The following AKAP7 variants were observed in gnomAD, a reference collection of about 807,000 sequenced individuals.
AKAP7 encodes the protein A kinase (PRKA) anchor protein 7.
A neutral mutation model predicts 39.5 loss-of-function variants in AKAP7; 39 were observed. That is an observed-to-expected ratio of 0.99 (90% CI 0.76 to 1.29). AKAP7 has a LOEUF of 1.29. Among genes scored for constraint, AKAP7 ranks in the 50% most tolerant of loss-of-function variants. The pLI is 0.00. For synonymous variants in AKAP7, 140 were observed against 139.1 expected (o/e 1.01, Z -0.05); for missense variants, 414 against 407.7 (o/e 1.02, Z -0.13).
At chr6:131,136,040 T>A (rs1800512999) in intron 1 of AKAP7, among the ~76,000 whole-genome samples, 3 of 152,122 alleles carry the variant, frequency 2.0e-5, no homozygotes. Flanking sequence ...CATCCCCGAG[T>A]TTCACTTTTC....
chr6:131,202,823 TA>T (rs368003787), intron 6 of AKAP7, among the ~76,000 whole-genome samples: 443 of 152,188 alleles, frequency 2.9e-3, no homozygotes, highest in African/African-American at 0.01. Context: ...GTAAGCCAAA[TA>T]AGAATTTTTT....
Position 131,281,741 on chromosome 6 carries a change from C to A in AKAP7, c.*15C>A. 1.3e-6 allele frequency: 2 copies of A among 1,579,388 alleles called. No homozygotes were observed. Among genetic ancestry groups the A allele is most frequent in the East Asian group, 4.5e-5 (2 of 44,218 alleles). On this transcript the variant is annotated 3_prime_UTR_variant, in exon 8 of 8. Coordinates refer to ENST00000431975, the MANE Select transcript of AKAP7 (RefSeq NM_016377.4). The surrounding 1 kb of genome is among the most constrained non-coding windows in gnomAD (Gnocchi z 4.0). Reference sequence around the variant, plus strand: ...ACAGGAAATGAGCCCGGAACGCAGGCCCCCATGTCTCTGTGCAAAGCCTCC... The same window carrying A: ...ACAGGAAATGAGCCCGGAACGCAGGACCCCATGTCTCTGTGCAAAGCCTCC...
intron 6 of AKAP7, among the ~76,000 whole-genome samples, chr6:131,216,399 C>T (rs954262069): frequency 1.6e-4 from 24 of 152,058 alleles, no homozygotes; most frequent in Non-Finnish European, 1.5e-5. Flanking sequence ...AAATAATTTC[C>T]ATTACTTATC....
intron 7 of AKAP7, among the ~76,000 whole-genome samples, chr6:131,230,455 G>A (rs9492869): frequency 0.32 from 48,333 of 151,616 alleles, 8,012 homozygotes; most frequent in Middle Eastern, 0.41. Context: ...TTTCTTTTAC[G>A]TGTTGATTTA....
intron 7 of AKAP7, among the ~76,000 whole-genome samples, chr6:131,264,435 G>A (rs552892776): frequency 2.0e-5 from 3 of 152,278 alleles, no homozygotes; most frequent in Admixed American, 6.5e-5. Flanking sequence ...GCAAAAGAAT[G>A]TAAATGTTAG....
rs1803797128 is a variant in AKAP7 at position 131,169,245 on chromosome 6, T to C, written c.561T>C (p.Asp187=). The C allele has an allele frequency of 4.3e-6, 7 of 1,614,038 alleles. No homozygotes were observed. In the East Asian group the frequency reaches 1.6e-4, roughly 36 times the overall value. Reference sequence around the variant, plus strand: ...GATTTGTGAAGCTGGCAGAAGGAGATCATGTAAACTCACTTTTGGAGATAG... The same window carrying C: ...GATTTGTGAAGCTGGCAGAAGGAGACCATGTAAACTCACTTTTGGAGATAG... The part of the protein sequence containing the change: ...QVGFVKLAEG[D]HVNSLLEIAE... Residue 187 remains aspartate (D), a synonymous_variant, in exon 5 of 8, where the codon GAT becomes GAC. Transcript: ENST00000431975.
chr6:131,155,642 T>C (rs1043956763), intron 2 of AKAP7, among the ~76,000 whole-genome samples: 1 of 152,242 alleles, frequency 6.6e-6, no homozygotes, highest in African/African-American at 2.4e-5. Flanking sequence ...AAAGATGGAA[T>C]AAATGCTTGA....
At chr6:131,256,974 A>T (rs983979007) in intron 7 of AKAP7, among the ~76,000 whole-genome samples, 16 of 150,894 alleles carry the variant, frequency 1.1e-4, no homozygotes, top group African/African-American at 3.4e-4. Flanking sequence ...AAAATTCTCA[A>T]TGTCTATATG....
At chr6:131,181,097 G>C (rs945805480) in intron 5 of AKAP7, among the ~76,000 whole-genome samples, 2 of 151,888 alleles carry the variant, frequency 1.3e-5, no homozygotes, top group African/African-American at 2.4e-5. Flanking sequence ...CACCATGCCT[G>C]GCTAATTTTT....
intron 6 of AKAP7, among the ~76,000 whole-genome samples, chr6:131,210,688 A>G (rs773750941): frequency 6.6e-6 from 1 of 152,182 alleles, no homozygotes; most frequent in Non-Finnish European, 1.5e-5. Context: ...TTAGAGCAGA[A>G]TATTTCTTTC....
chr6:131,165,199 A>C lies in AKAP7; in HGVS notation c.410A>C (p.Asn137Thr). 3.1e-6 allele frequency: 5 copies of C among 1,606,730 alleles called. No homozygotes were observed. The highest frequency in any genetic ancestry group is 4.2e-6 in the Non-Finnish European group (5 of 1,176,488). ...HITLLVMQLL[N>T]EDEVNIGIDA... The stretch of plus-strand genomic sequence containing the variant: ...ACCCTGCTGGTGATGCAATTATTAA[A>C]TGAAGATGAAGTAAACATGTGAGTA... Residue 137 changes from asparagine to threonine, a missense_variant, in exon 4 of 8, where the codon AAT (asparagine) becomes ACT (threonine). By Grantham distance (65) the Asn-to-Thr change is moderately conservative (BLOSUM62 0). Coordinates refer to ENST00000431975, the MANE Select transcript of AKAP7 (RefSeq NM_016377.4).
At chr6:131,170,314 A>C (rs1483338639) in intron 5 of AKAP7, among the ~76,000 whole-genome samples, 4 of 152,078 alleles carry the variant, frequency 2.6e-5, no homozygotes, top group Admixed American at 6.6e-5. Flanking sequence ...AAAAAAGAAA[A>C]AAAAAAGAAA....
chr6:131,266,027 C>T (rs1403941695), intron 7 of AKAP7, among the ~76,000 whole-genome samples: 1 of 152,162 alleles, frequency 6.6e-6, no homozygotes, highest in African/African-American at 2.4e-5. Context: ...ATCTTGGAAG[C>T]AGCTGGTGGT....
At chr6:131,148,002 C>T (rs901124905) in intron 2 of AKAP7, among the ~76,000 whole-genome samples, 1 of 152,172 alleles carries the variant, frequency 6.6e-6, no homozygotes, top group African/African-American at 2.4e-5. Flanking sequence ...GGGAGATTAA[C>T]AGCCATTGGG....
At chr6:131,240,997 C>T (rs554063650) in intron 7 of AKAP7, among the ~76,000 whole-genome samples, 6 of 152,314 alleles carry the variant, frequency 3.9e-5, no homozygotes, top group South Asian at 2.1e-4. Flanking sequence ...AGAAATCACC[C>T]GTCTTCTGCG....
chr6:131,216,996 A>G (rs1809244621), intron 6 of AKAP7, among the ~76,000 whole-genome samples: 2 of 152,202 alleles, frequency 1.3e-5, no homozygotes, highest in South Asian at 4.1e-4. Context: ...AACAATTTTC[A>G]TGATATCTTT....
At chr6:131,169,402 T>A in intron 5 of AKAP7, 129 bp downstream of exon 5, 2 of 1,017,710 alleles carry the variant, frequency 2.0e-6, no homozygotes, top group Non-Finnish European at 3.0e-6. Context: ...TTTTTAGGAC[T>A]GTCCCAATCA....
intron 6 of AKAP7, among the ~76,000 whole-genome samples, chr6:131,203,215 A>T (rs1044660925): frequency 2.0e-5 from 3 of 152,190 alleles, no homozygotes; most frequent in African/African-American, 7.2e-5. Flanking sequence ...TGGTATGTAG[A>T]TTATTTGAAA....
chr6:131,187,107 T>G (rs1369152859), intron 5 of AKAP7, among the ~76,000 whole-genome samples: 4 of 152,194 alleles, frequency 2.6e-5, no homozygotes, highest in African/African-American at 4.8e-5. Flanking sequence ...CAGAGATCCT[T>G]GAGGTTCAAT....
Sources: allele counts gnomAD v4.1 joint callset (sites outside exome capture counted in the v4.1 genomes callset), GRCh38; gene constraint gnomAD v4.1.1; non-coding constraint Gnocchi (gnomAD v3.1); transcripts MANE v1.5; gene names NCBI Gene and HGNC (gene_info 2026-07-23, HGNC 2026-07-21).